Variants in HNF1B observed in about 807,000 individuals in gnomAD.
The protein encoded by HNF1B is hepatocyte nuclear factor 1-beta.
In HNF1B, 8 loss-of-function variants were observed where a neutral mutation model predicts 61.7. The ratio of observed to expected loss-of-function variants is 0.13; its 90% confidence interval spans 0.08 to 0.23. HNF1B has a LOEUF of 0.23. Ranked by LOEUF, HNF1B falls within the 10% of genes least tolerant of loss-of-function variation. HNF1B has a pLI of 1.00. For missense variants in HNF1B, 562 were observed against 714.5 expected, an observed-to-expected ratio of 0.79 and a Z score of 2.43; for synonymous variants, 314 against 287.7, an observed-to-expected ratio of 1.09 and a Z score of -0.93.
chr17:37,734,001 C>T (rs1314327272), intron 2 of HNF1B, among the ~76,000 whole-genome samples, 180 bp from the exon 3 acceptor site: 2 of 152,218 alleles, frequency 1.3e-5, no homozygotes, highest in Admixed American at 6.5e-5. Flanking sequence ...GCCCTTACTG[C>T]CCACCTCAGT....
In HNF1B at chr17:37,744,926, G is replaced by GT; in HGVS notation, c.-43dup. 5.3e-6 allele frequency: 6 copies of GT among 1,141,546 alleles called. No individual in the cohort carries two copies. Among genetic ancestry groups the GT allele is most frequent in the Admixed American group, 3.6e-5 (2 of 55,616 alleles). The allele number at this position is 1,141,546 out of a possible 1,614,324, so 70.7% of individuals were successfully genotyped here. A position where few individuals can be genotyped will look rare whatever the true frequency, so the allele number is the denominator to read the frequency against. On this transcript the variant is annotated 5_prime_UTR_variant, in exon 1 of 9. Coordinates refer to ENST00000617811, the MANE Select transcript of HNF1B (RefSeq NM_000458.4). ...AAGAAGGGGGTGAGGGGGTGGGTGG[G>GT]TGCGAGAGAGGAGGGTGGAGGGGAG...
intron 2 of HNF1B, among the ~76,000 whole-genome samples, chr17:37,737,957 T>G (rs139792252): frequency 6.6e-6 from 1 of 152,252 alleles, no homozygotes; most frequent in East Asian, 1.9e-4. Context: ...TCTGGACCTC[T>G]GTCTTTTGAG....
rs1491325033 is a variant in HNF1B, at chr17:37,688,421, A to ACACACT, written c.1654-1030_1654-1029insAGTGTG. On this transcript the variant is annotated intron_variant, in intron 8 of 8. Transcript: ENST00000617811. ...CACACACACACACACACACACACACACTTACACCTACCAATACCACTAAAG... is the reference window on the plus strand; with the variant it reads ...CACACACACACACACACACACACACACACACTCTTACACCTACCAATACCACTAAAG... Among the ~76,000 whole-genome samples, 4 of 150,132 alleles carry ACACACT rather than the reference A, an allele frequency of 2.7e-5. No homozygotes were observed. In the East Asian group the frequency reaches 5.9e-4, roughly 22 times the overall value.
chr17:37,688,460 CAT>C (rs2032066614), intron 8 of HNF1B, among the ~76,000 whole-genome samples: 1 of 151,340 alleles, frequency 6.6e-6, no homozygotes, highest in Non-Finnish European at 1.5e-5. Context: ...ACTGTTATCG[CAT>C]TGATCAGTGC....
chr17:37,688,522 A>G (rs1376110031), intron 8 of HNF1B, among the ~76,000 whole-genome samples: 5 of 152,166 alleles, frequency 3.3e-5, no homozygotes, highest in Non-Finnish European at 7.4e-5. Flanking sequence ...TTGACAAATT[A>G]GGAAAACAAG....
rs978668040 is a variant in HNF1B, at chr17:37,686,941, A to G, written c.*431T>C. 2.8e-6 allele frequency: 1 copy of G among 362,282 alleles called. No homozygotes were observed. The highest frequency in any genetic ancestry group is 5.2e-6 in the Non-Finnish European group (1 of 190,540). The allele number at this position is 362,282 out of a possible 1,614,324, so 22.4% of individuals were successfully genotyped here. ...TCTCAAGATCATTTGGGATGGGGGC[A>G]GGGGAGGGAGTCTGTGGATATTTAC... On this transcript the variant is annotated 3_prime_UTR_variant, in exon 9 of 9. Transcript: ENST00000617811.
In HNF1B at chr17:37,739,450, C is replaced by T; in HGVS notation, c.534G>A (p.Glu178=). The T allele has an allele frequency of 6.2e-7, 1 of 1,614,148 alleles. No homozygotes were observed. Reference sequence around the variant, plus strand: ...GATGAAAACACTTACGTCGGAGGATCTCTCGTTGCTTTCTGACGTACCAGG... The same window carrying T: ...GATGAAAACACTTACGTCGGAGGATTTCTCGTTGCTTTCTGACGTACCAGG... The part of the protein sequence containing the change: ...LYTWYVRKQR[E]ILRQFNQTVQ... The change falls in exon 2 of 9, where the codon GAG becomes GAA. Residue 178 remains glutamate, a synonymous_variant. Transcript: ENST00000617811.
chr17:37,709,278 C>T (rs1420542919), intron 5 of HNF1B, among the ~76,000 whole-genome samples: 2 of 151,932 alleles, frequency 1.3e-5, no homozygotes, highest in Admixed American at 6.6e-5. Flanking sequence ...TTGAGACACC[C>T]GAGTCTCACT....
intron 8 of HNF1B, among the ~76,000 whole-genome samples, chr17:37,697,739 G>A (rs948386794): frequency 2.6e-5 from 4 of 152,166 alleles, no homozygotes; most frequent in Non-Finnish European, 4.4e-5. Context: ...GCAGGGTAGT[G>A]AGGGGTTGTC....
intron 5 of HNF1B, among the ~76,000 whole-genome samples, chr17:37,709,802 G>A (rs75639741): frequency 8.0e-4 from 122 of 151,978 alleles, no homozygotes; most frequent in African/African-American, 2.8e-3. Context: ...TATTGTTACC[G>A]CCCCCATTTT....
intron 3 of HNF1B, among the ~76,000 whole-genome samples, 177 bp downstream of exon 3, chr17:37,733,380 T>C (rs2147551937): frequency 6.6e-6 from 1 of 152,332 alleles, no homozygotes; most frequent in East Asian, 1.9e-4. Flanking sequence ...CATATGCTGA[T>C]TCTCAGACTT....
intron 4 of HNF1B, among the ~76,000 whole-genome samples, chr17:37,719,727 G>C (rs1260864293): frequency 6.6e-6 from 1 of 152,192 alleles, no homozygotes; most frequent in Non-Finnish European, 1.5e-5. Flanking sequence ...TGAGCCACTG[G>C]GTGTCCACAC....
At chr17:37,717,451 G>A (rs1555825398) in intron 4 of HNF1B, among the ~76,000 whole-genome samples, 1 of 152,188 alleles carries the variant, frequency 6.6e-6, no homozygotes, top group Non-Finnish European at 1.5e-5. Flanking sequence ...AACTCAGGCA[G>A]GAGAGAGCAT....
chr17:37,742,291 C>T (rs973459691), intron 1 of HNF1B, among the ~76,000 whole-genome samples: 2 of 152,234 alleles, frequency 1.3e-5, no homozygotes, highest in Admixed American at 6.5e-5. Context: ...CTCGAGGCCG[C>T]GAGAAAGGCC....
At chr17:37,715,434 C>A (rs1328829966) in intron 4 of HNF1B, among the ~76,000 whole-genome samples, 1 of 152,136 alleles carries the variant, frequency 6.6e-6, no homozygotes, top group Non-Finnish European at 1.5e-5. Flanking sequence ...AAATCTGTTC[C>A]AATTATATAG....
At chr17:37,737,126 AT>A (rs1442321238) in intron 2 of HNF1B, among the ~76,000 whole-genome samples, 1 of 152,158 alleles carries the variant, frequency 6.6e-6, no homozygotes, top group South Asian at 2.1e-4. Context: ...ATCATGTATC[AT>A]TTTTTATTCT....
At chr17:37,708,865 G>A (rs373385959) in intron 5 of HNF1B, among the ~76,000 whole-genome samples, 14 of 152,232 alleles carry the variant, frequency 9.2e-5, no homozygotes, top group South Asian at 8.3e-4. Flanking sequence ...AGAATTGGCC[G>A]GGTCAGTGCT....
chr17:37,716,752 C>T (rs942984611), intron 4 of HNF1B, among the ~76,000 whole-genome samples: 6 of 151,926 alleles, frequency 3.9e-5, no homozygotes, highest in South Asian at 2.1e-4. Context: ...GAGCCCCTGG[C>T]GATTTAATTC....
chr17:37,691,872 C>T (rs1400603200), intron 8 of HNF1B, among the ~76,000 whole-genome samples: 2 of 152,140 alleles, frequency 1.3e-5, no homozygotes, highest in Admixed American at 6.5e-5. Flanking sequence ...AGGCCACCCA[C>T]CTGCCCCCTT....
Sources: allele counts gnomAD v4.1 joint callset (sites outside exome capture counted in the v4.1 genomes callset), GRCh38; gene constraint gnomAD v4.1.1; transcripts MANE v1.5; gene names NCBI Gene and HGNC (gene_info 2026-07-23, HGNC 2026-07-21).